CDC42EP4: variants seen among roughly 807,000 people sequenced by gnomAD.
CDC42EP4 encodes CDC42 effector protein (Rho GTPase binding) 4.
Under a neutral mutation model 5.6 loss-of-function variants are expected in CDC42EP4, and 6 were observed. The ratio of observed to expected loss-of-function variants is 1.07; its 90% CI spans 0.59 to 2.12. The LOEUF (loss-of-function observed/expected upper bound fraction) is 2.12. CDC42EP4 is among the 30% of genes most tolerant of loss of function. CDC42EP4 has a pLI of 0.00. For synonymous variants in CDC42EP4, 230 were observed against 224.2 expected (o/e 1.03, Z -0.23); for missense variants, 490 against 508.6 (o/e 0.96, Z 0.35).
chr17:73,284,802 A>G lies in CDC42EP4; in HGVS notation c.*628T>C, dbSNP rs2062121430. 1 of 152,176 alleles carries G rather than the reference A, an allele frequency of 6.6e-6. No individual in the cohort carries two copies. The highest frequency in any genetic ancestry group is 2.4e-5 in the African/African-American group (1 of 41,432). 9.4% of individuals were successfully genotyped at this position (152,176 alleles called of 1,614,324 possible). ...ACGAAGCCTGGGGGGCTTTCCTTCCATTCTCCATCCTGTTCTCTTCCCCTG... is the reference window on the plus strand; with the variant it reads ...ACGAAGCCTGGGGGGCTTTCCTTCCGTTCTCCATCCTGTTCTCTTCCCCTG... On this transcript the variant is annotated 3_prime_UTR_variant, in exon 2 of 2. Coordinates refer to ENST00000335793, the MANE Select transcript of CDC42EP4 (RefSeq NM_012121.5).
At chr17:73,292,446 T>C (rs1343755650) in intron 1 of CDC42EP4, among the ~76,000 whole-genome samples, 1 of 149,762 alleles carries the variant, frequency 6.7e-6, no homozygotes, top group South Asian at 2.1e-4. Context: ...GCCCTGGAGA[T>C]AGAGCAGTGA....
rs145216188 is a variant in CDC42EP4 at position 73,296,960 on chromosome 17, G to A, written c.-112-10348C>T. ...AGCGCCACTGCAGTCTGGCCTGGGC[G>A]AAAGAGCAAGACTCCGTCTCAAAAA... is the stretch of plus-strand genomic sequence containing the variant. On this transcript the variant is annotated intron_variant, in intron 1 of 1. Transcript: ENST00000335793. Among the ~76,000 whole-genome samples the A allele has an allele frequency of 1.4e-3, 110 of 75,984 alleles. No individual in the cohort carries two copies. The East Asian group carries it at 0.02, about 14-fold the overall frequency. 49.8% of individuals were successfully genotyped at this position (75,984 alleles called of 152,430 possible).
At chr17:73,308,042 CTAA>C (rs2062253725) in intron 1 of CDC42EP4, among the ~76,000 whole-genome samples, 1 of 152,106 alleles carries the variant, frequency 6.6e-6, no homozygotes, top group Non-Finnish European at 1.5e-5. Context: ...GTGCCCGGCC[CTAA>C]TGTCTGAATT....
chr17:73,297,125 C>G (rs2062191765), intron 1 of CDC42EP4, among the ~76,000 whole-genome samples: 1 of 151,062 alleles, frequency 6.6e-6, no homozygotes, highest in African/African-American at 2.4e-5. Context: ...GAAACCCCAT[C>G]TCTACTAAAA....
Position 73,285,701 on chromosome 17 carries a change from C to T in CDC42EP4, c.800G>A (p.Gly267Asp). Residue 267 changes from glycine to aspartate, a missense_variant, in exon 2 of 2, where the codon GGC (glycine) becomes GAC (aspartate). Coordinates refer to ENST00000335793, the MANE Select transcript of CDC42EP4 (RefSeq NM_012121.5). This position sits in a 1 kb window ranked among gnomAD's most constrained non-coding sequence, Gnocchi z 6.8. ...GGAGGGCAAGTCTGGGCCAGCCTTG[C>T]CTTCCTGCCTTGCCAGGGGAGGGGC... is the stretch of plus-strand genomic sequence containing the variant. Reference protein sequence around the residue: ...VAAPPLARQEGKAGPDLPSLP... With the variant: ...VAAPPLARQEDKAGPDLPSLP... 6.4e-7 allele frequency: 1 copy of T among 1,570,728 alleles called. No homozygotes were observed. Among genetic ancestry groups the T allele is most frequent in the Non-Finnish European group, 8.7e-7 (1 of 1,153,132 alleles).
chr17:73,296,544 T>A (rs2062186748), intron 1 of CDC42EP4, among the ~76,000 whole-genome samples: 1 of 151,948 alleles, frequency 6.6e-6, no homozygotes, highest in Non-Finnish European at 1.5e-5. Flanking sequence ...AAGTGGGAAC[T>A]ATGAAGACCA....
In CDC42EP4 at chr17:73,284,103, A is replaced by G. The variant is rs1413894400; in HGVS notation, c.*1327T>C. On this transcript the variant is annotated 3_prime_UTR_variant, in exon 2 of 2. Coordinates refer to ENST00000335793, the MANE Select transcript of CDC42EP4 (RefSeq NM_012121.5). Reference sequence around the variant, plus strand: ...TTCAGAAAAACAAATCATTTTTCACATAAGTGTTCCAAATATTGCGTGGGG... The same window carrying G: ...TTCAGAAAAACAAATCATTTTTCACGTAAGTGTTCCAAATATTGCGTGGGG... The G allele has an allele frequency of 1.3e-5, 2 of 152,264 alleles. No individual in the cohort carries two copies. Among genetic ancestry groups the G allele is most frequent in the Non-Finnish European group, 2.9e-5 (2 of 68,050 alleles). The allele number at this position is 152,264 out of a possible 1,614,324, so 9.4% of individuals were successfully genotyped here.
intron 1 of CDC42EP4, among the ~76,000 whole-genome samples, chr17:73,299,066 C>T (rs1352066643): frequency 6.6e-6 from 1 of 151,868 alleles, no homozygotes; most frequent in Non-Finnish European, 1.5e-5. Flanking sequence ...AGTGATCCTC[C>T]CCGGCCTCAG....
Position 73,304,348 on chromosome 17 carries a change from C to G in CDC42EP4, c.-113+7545G>C, listed in dbSNP as rs544769397. Reference sequence around the variant, plus strand: ...CTGGAGTACACTGTAGCAGTGCAATCAAAGCTCACCGTAACCTCAAACTTC... The same window carrying G: ...CTGGAGTACACTGTAGCAGTGCAATGAAAGCTCACCGTAACCTCAAACTTC... On this transcript the variant is annotated intron_variant, in intron 1 of 1. Transcript: ENST00000335793. 2.0e-5 allele frequency among the ~76,000 whole-genome samples: 3 copies of G among 149,274 alleles called. No homozygotes were observed. The South Asian group carries it at 6.4e-4, about 32-fold the overall frequency.
chr17:73,291,296 T>C (rs1196503455), intron 1 of CDC42EP4, among the ~76,000 whole-genome samples: 2 of 152,144 alleles, frequency 1.3e-5, no homozygotes, highest in African/African-American at 2.4e-5. Flanking sequence ...TCTGTCCCAC[T>C]GCCCCAGCGA....
chr17:73,287,355 C>T (rs373091501), intron 1 of CDC42EP4, among the ~76,000 whole-genome samples: 6 of 152,170 alleles, frequency 3.9e-5, no homozygotes, highest in African/African-American at 9.7e-5. Flanking sequence ...TCTGGTGTCT[C>T]GGGGAGATCA....
chr17:73,309,375 A>G (rs2062261835), intron 1 of CDC42EP4, among the ~76,000 whole-genome samples: 1 of 152,096 alleles, frequency 6.6e-6, no homozygotes, highest in Non-Finnish European at 1.5e-5. Flanking sequence ...AATAAAAATT[A>G]TTTTTAAAAT....
chr17:73,290,527 C>T (rs1224250458), intron 1 of CDC42EP4, among the ~76,000 whole-genome samples: 2 of 152,212 alleles, frequency 1.3e-5, no homozygotes, highest in African/African-American at 4.8e-5. Flanking sequence ...TGGTCTCTAC[C>T]CATTAGATGC....
intron 1 of CDC42EP4, among the ~76,000 whole-genome samples, chr17:73,293,013 C>T (rs542023620): frequency 1.3e-5 from 2 of 151,992 alleles, no homozygotes; most frequent in Admixed American, 1.3e-4. Flanking sequence ...TGCTCCTGGC[C>T]GATTTTTTTA....
chr17:73,288,585 A>G (rs12185274), intron 1 of CDC42EP4, among the ~76,000 whole-genome samples: 82,681 of 151,420 alleles, frequency 0.55, 22,558 homozygotes, highest in East Asian at 0.61. Context: ...GGGTTTTAAC[A>G]GGTCTGTTTA....
At chr17:73,290,305 C>T (rs1056511402) in intron 1 of CDC42EP4, among the ~76,000 whole-genome samples, 1 of 152,224 alleles carries the variant, frequency 6.6e-6, no homozygotes, top group Non-Finnish European at 1.5e-5. Context: ...CCAGCTCTGG[C>T]GGCGGCATTG....
intron 1 of CDC42EP4, among the ~76,000 whole-genome samples, chr17:73,290,741 G>C (rs1247602777): frequency 2.0e-5 from 3 of 152,230 alleles, no homozygotes; most frequent in African/African-American, 7.2e-5. Flanking sequence ...AACCGGGTGA[G>C]AACATGGCGG....
chr17:73,308,482 A>G (rs371553232), intron 1 of CDC42EP4, among the ~76,000 whole-genome samples: 5 of 152,188 alleles, frequency 3.3e-5, no homozygotes, highest in Admixed American at 1.3e-4. Flanking sequence ...GAATGAGAAC[A>G]CAGAAGGCTG....
chr17:73,289,761 G>GGGAGGGAGGAAGGGAGGGAGGAAGGGAA (rs2062152193), intron 1 of CDC42EP4, among the ~76,000 whole-genome samples: 1 of 139,536 alleles, frequency 7.2e-6, no homozygotes, highest in Non-Finnish European at 1.6e-5. Flanking sequence ...GAGGAAGGGA[G>GGGAGGGAGGAAGGGAGGGAGGAAGGGAA]GGGAAGGAAA....
Sources: allele counts gnomAD v4.1 joint callset (sites outside exome capture counted in the v4.1 genomes callset), GRCh38; gene constraint gnomAD v4.1.1; non-coding constraint Gnocchi (gnomAD v3.1); transcripts MANE v1.5; gene names NCBI Gene and HGNC (gene_info 2026-07-23, HGNC 2026-07-21).